Variants in XRCC5 observed in about 807,000 individuals in gnomAD.
The protein encoded by XRCC5 is X-ray repair cross complementing 5.
XRCC5 carries 12 observed loss-of-function variants against 95.7 expected under a neutral mutation model. The observed-to-expected ratio is 0.13, with a 90% CI of 0.08 to 0.20. The LOEUF (loss-of-function observed/expected upper bound fraction) is 0.20. XRCC5 is among the 10% of genes least tolerant of loss of function. The pLI is 1.00. For missense variants in XRCC5, 595 were observed against 873.9 expected (o/e 0.68, Z 4.02); for synonymous variants, 281 against 290.3 (o/e 0.97, Z 0.33).
chr2:216,172,885 ATAGT>A lies in XRCC5; in HGVS notation c.1834+10840_1834+10843del, dbSNP rs567399616. ...ATACTGAGTTATCCATGAACATGGAATAGTTACTCATTTATTTAGATCTTATTTT... is the reference window on the plus strand; with the variant it reads ...ATACTGAGTTATCCATGAACATGGAATACTCATTTATTTAGATCTTATTTT... On this transcript the variant is annotated intron_variant, in intron 16 of 20. Coordinates refer to ENST00000392132, the MANE Select transcript of XRCC5 (RefSeq NM_021141.4). 7.2e-5 allele frequency among the ~76,000 whole-genome samples: 11 copies of A among 152,342 alleles called. No individual in the cohort carries two copies. In the East Asian group the frequency reaches 1.3e-3, roughly 19 times the overall value.
At position 216,109,496 on chromosome 2, in the gene XRCC5, G is replaced by A. The variant is rs41296888; in HGVS notation, c.21+39G>A. ...CATGGACTTGGGCTTTACCCGGACTGGGGATCCGGAGAGGGTGGTTCGGAA... is the reference window on the plus strand; with the variant it reads ...CATGGACTTGGGCTTTACCCGGACTAGGGATCCGGAGAGGGTGGTTCGGAA... On this transcript the variant is annotated intron_variant, in intron 1 of 20. Transcript: ENST00000392132. 976 of 1,612,778 alleles carry A rather than the reference G, an allele frequency of 6.1e-4. 7 individuals are homozygous for A. In the African/African-American group the frequency reaches 0.011, roughly 19 times the overall value.
intron 16 of XRCC5, among the ~76,000 whole-genome samples, chr2:216,185,625 G>T (rs1436857318): frequency 6.7e-6 from 1 of 149,656 alleles, no homozygotes; most frequent in East Asian, 1.9e-4. Flanking sequence ...TTAATTTTGT[G>T]TTATAAAGAT....
chr2:216,203,130 T>C (rs1320202473), intron 19 of XRCC5, among the ~76,000 whole-genome samples: 1 of 152,182 alleles, frequency 6.6e-6, no homozygotes, highest in African/African-American at 2.4e-5. Flanking sequence ...TACTTTTTCC[T>C]CTTGGGTGGA....
chr2:216,192,196 G>T (rs961749269), intron 17 of XRCC5, among the ~76,000 whole-genome samples: 2 of 152,064 alleles, frequency 1.3e-5, no homozygotes, highest in African/African-American at 2.4e-5. Flanking sequence ...ATGGACCCAT[G>T]TTGGCCAGGC....
chr2:216,190,341 C>A lies in XRCC5; in HGVS notation c.1944+7C>A. On this transcript the variant is annotated splice_region_variant and intron_variant, in intron 17 of 20. Coordinates refer to ENST00000392132, the MANE Select transcript of XRCC5 (RefSeq NM_021141.4). ...CCGGGAAGAAGCCATTAAGGTAATG[C>A]TATCCTAGCATCTCTTTTCTTCCTA... 1 of 1,608,248 alleles carries A rather than the reference C, an allele frequency of 6.2e-7. No homozygotes were observed. Among genetic ancestry groups the A allele is most frequent in the Non-Finnish European group, 8.5e-7 (1 of 1,175,182 alleles).
At chr2:216,110,265 A>G (rs1051215684) in intron 1 of XRCC5, among the ~76,000 whole-genome samples, 2 of 152,132 alleles carry the variant, frequency 1.3e-5, no homozygotes, top group Non-Finnish European at 2.9e-5. Flanking sequence ...TTTTCAACAT[A>G]AAAGAGTGGT....
At chr2:216,165,758 G>C (rs1309527610) in intron 16 of XRCC5, among the ~76,000 whole-genome samples, 1 of 152,290 alleles carries the variant, frequency 6.6e-6, no homozygotes, top group South Asian at 2.1e-4. Context: ...GCGATAGATA[G>C]TTGGTAAGAT....
chr2:216,109,526 G>C (rs778095917), intron 1 of XRCC5, 69 bp downstream of exon 1: 6 of 1,601,608 alleles, frequency 3.7e-6, no homozygotes, highest in Non-Finnish European at 3.4e-6. Context: ...TCGGAAGCAG[G>C]AATCGTGGGA....
chr2:216,181,722 A>G (rs1159922502), intron 16 of XRCC5, among the ~76,000 whole-genome samples: 1 of 152,122 alleles, frequency 6.6e-6, no homozygotes, highest in African/African-American at 2.4e-5. Flanking sequence ...TTTGGTTTTC[A>G]TTGCGACTTT....
In XRCC5 at chr2:216,161,185, A is replaced by G. The variant is rs1006917307; in HGVS notation, c.1765-794A>G. 3.5e-4 allele frequency among the ~76,000 whole-genome samples: 54 copies of G among 152,340 alleles called. 1 individual carries two copies. Among genetic ancestry groups the G allele is most frequent in the Non-Finnish European group, 5.7e-4 (39 of 68,032 alleles). On this transcript the variant is annotated intron_variant, in intron 15 of 20. Transcript: ENST00000392132. ...TTTAGATTTCATTTAGATGTTTTAT[A>G]TATAATAGTAAAGGAAAAAGTCATG...
rs115088680 is a variant in XRCC5, at chr2:216,122,136, G to A, written c.566G>A (p.Gly189Glu). The A allele has an allele frequency of 2.5e-6, 4 of 1,614,106 alleles. No homozygotes were observed. In the South Asian group the frequency reaches 3.3e-5, roughly 13 times the overall value. Residue 189 changes from glycine to glutamate, a missense_variant, in exon 6 of 21, where the codon GGG (glycine) becomes GAG (glutamate). Physicochemically the swap from Gly to Glu is moderately conservative, Grantham distance 98 (BLOSUM62 -2). Around this residue, in one of 2 missense-constraint regions of XRCC5, gnomAD observed 286 missense variants for 491.1 expected, o/e 0.58. Coordinates refer to ENST00000392132, the MANE Select transcript of XRCC5 (RefSeq NM_021141.4). ...GGCCCCTTTCGCTTAGGTGGCCATG[G>A]GCCTTCCTTTCCACTAAAAGGAATT... ...GDGPFRLGGHGPSFPLKGITE... is the reference protein window; with the variant it reads ...GDGPFRLGGHEPSFPLKGITE...
chr2:216,180,881 C>T (rs1217454662), intron 16 of XRCC5, among the ~76,000 whole-genome samples: 7 of 150,364 alleles, frequency 4.7e-5, no homozygotes, highest in Admixed American at 2.0e-4. Context: ...GGCGCGATCT[C>T]GGCTCACTGC....
intron 8 of XRCC5, among the ~76,000 whole-genome samples, chr2:216,130,481 G>A (rs1696978948): frequency 6.6e-6 from 1 of 151,972 alleles, no homozygotes; most frequent in Non-Finnish European, 1.5e-5. Flanking sequence ...TTCTCTGTGG[G>A]TCTCTAGGTT....
intron 16 of XRCC5, among the ~76,000 whole-genome samples, chr2:216,166,261 A>G (rs1689052767): frequency 6.6e-6 from 1 of 152,056 alleles, no homozygotes. Context: ...ACCTGGAGCT[A>G]CAGGCACACA....
At chr2:216,151,457 C>G (rs1381492526) in intron 14 of XRCC5, among the ~76,000 whole-genome samples, 5 of 152,186 alleles carry the variant, frequency 3.3e-5, no homozygotes, top group Non-Finnish European at 5.9e-5. Flanking sequence ...CTCCTTCTCA[C>G]TTACTCTCAG....
At position 216,146,322 on chromosome 2, in the gene XRCC5, A is replaced by T. The variant is rs115720553; in HGVS notation, c.1477-1761A>T. On this transcript the variant is annotated intron_variant, in intron 13 of 20. Transcript: ENST00000392132. ...CTTACAGGACATTGACTCTTGGATG[A>T]TACTATTAAACCTAAGCATCTTTTA... 4.1e-3 allele frequency among the ~76,000 whole-genome samples: 612 copies of T among 149,584 alleles called. 4 individuals are homozygous for T. The highest frequency in any genetic ancestry group is 0.015 in the African/African-American group (591 of 38,948).
intron 10 of XRCC5, among the ~76,000 whole-genome samples, chr2:216,134,449 G>A (rs1376048088): frequency 2.1e-5 from 3 of 144,694 alleles, no homozygotes; most frequent in Admixed American, 1.4e-4. Context: ...TTTTTGAGAC[G>A]GAGTTTGGCT....
rs760685418 is a variant in XRCC5 at position 216,161,984 on chromosome 2, A to T, written c.1770A>T (p.Gly590=). The T allele has an allele frequency of 6.2e-7, 1 of 1,614,110 alleles. No individual in the cohort carries two copies. The highest frequency in any genetic ancestry group is 8.5e-7 in the Non-Finnish European group (1 of 1,179,952). ...SLAEGSVTSV[G]SVNPAENFRV... is the part of the protein sequence containing the mutation. Reference sequence around the variant, plus strand: ...CATCTGTTGGTATATTTTAGGTTGGAAGTGTGAATCCTGCTGAAAACTTCC... The same window carrying T: ...CATCTGTTGGTATATTTTAGGTTGGTAGTGTGAATCCTGCTGAAAACTTCC... Residue 590 remains glycine (G), a synonymous_variant, in exon 16 of 21, where the codon GGA becomes GGT. Transcript: ENST00000392132.
intron 19 of XRCC5, among the ~76,000 whole-genome samples, chr2:216,197,022 C>T (rs1258510258): frequency 6.6e-6 from 1 of 152,144 alleles, no homozygotes; most frequent in Non-Finnish European, 1.5e-5. Flanking sequence ...AGTGAGGAGC[C>T]ATGACCTAAA....
Sources: allele counts gnomAD v4.1 joint callset (sites outside exome capture counted in the v4.1 genomes callset), GRCh38; gene constraint gnomAD v4.1.1; regional missense constraint gnomAD v4.1.1; transcripts MANE v1.5; gene names NCBI Gene and HGNC (gene_info 2026-07-23, HGNC 2026-07-21).